MCCC1: variants seen among roughly 807,000 people sequenced by gnomAD.
The protein encoded by MCCC1 is methylcrotonyl-CoA carboxylase subunit 1, also known as methylcrotonoyl-CoA carboxylase subunit alpha, mitochondrial.
MCCC1 carries 64 observed loss-of-function variants against 83.8 expected under a neutral mutation model. That is an observed-to-expected ratio of 0.76 (90% CI 0.62 to 0.94). MCCC1 has a LOEUF of 0.94. Ranked by LOEUF, MCCC1 falls within the 40% of genes least tolerant of loss-of-function variation. The pLI is 0.00. For synonymous variants in MCCC1, 322 were observed against 315.4 expected (o/e 1.02, Z -0.22); for missense variants, 807 against 904.7 (o/e 0.89, Z 1.39).
At chr3:183,061,922 G>C (rs1450311073) in intron 7 of MCCC1, among the ~76,000 whole-genome samples, 1 of 152,288 alleles carries the variant, frequency 6.6e-6, no homozygotes, top group African/African-American at 2.4e-5. Context: ...TGTGTGGTGG[G>C]AGGGACCCGG....
At chr3:183,056,977 G>C (rs560457862) in intron 8 of MCCC1, among the ~76,000 whole-genome samples, 1 of 152,198 alleles carries the variant, frequency 6.6e-6, no homozygotes, top group Non-Finnish European at 1.5e-5. Flanking sequence ...CTACAGGCGT[G>C]AGCCACCGCG....
At chr3:183,017,567 G>A (rs1260061763) in intron 17 of MCCC1, 6 of 536,424 alleles carry the variant, frequency 1.1e-5, no homozygotes, top group Non-Finnish European at 1.7e-5. Context: ...GAGCCCATGT[G>A]GTTGTGCCAT....
intron 17 of MCCC1, 153 bp from the exon 18 acceptor site, chr3:183,017,490 A>G: frequency 1.4e-6 from 1 of 720,228 alleles, no homozygotes; most frequent in East Asian, 2.7e-5. Flanking sequence ...AAATAAAAAG[A>G]AAAAAAACAA....
Position 183,065,477 on chromosome 3 carries a change from C to T in MCCC1, c.761+5522G>A, listed in dbSNP as rs186308456. On this transcript the variant is annotated intron_variant, in intron 7 of 18. Coordinates refer to ENST00000265594, the MANE Select transcript of MCCC1 (RefSeq NM_020166.5). ...TGTCGGAAAAGTAAAAAGTATAATG[C>T]CTTTAATTTATGTGATTTAAGTAAT... Among the ~76,000 whole-genome samples the T allele has an allele frequency of 2.0e-4, 30 of 152,240 alleles. No homozygotes were observed. In the East Asian group the frequency reaches 5.8e-3, roughly 29 times the overall value.
At chr3:183,037,626 C>T (rs1713735918) in intron 12 of MCCC1, among the ~76,000 whole-genome samples, 192 bp from the exon 13 acceptor site, 2 of 152,216 alleles carry the variant, frequency 1.3e-5, no homozygotes, top group African/African-American at 2.4e-5. Context: ...CTCACTATCA[C>T]TATGTCCATC....
At chr3:183,044,327 G>A (rs554281107) in intron 10 of MCCC1, among the ~76,000 whole-genome samples, 20 of 152,244 alleles carry the variant, frequency 1.3e-4, no homozygotes, top group Non-Finnish European at 1.8e-4. Context: ...TATTTGAGAA[G>A]TATGTTTTGT....
intron 1 of MCCC1, among the ~76,000 whole-genome samples, chr3:183,106,580 C>T (rs1185678080): frequency 1.3e-5 from 2 of 151,858 alleles, no homozygotes; most frequent in African/African-American, 4.9e-5. Flanking sequence ...CTCACTGCAA[C>T]CTCAGCCTCC....
Position 183,060,578 on chromosome 3 carries a change from G to GT in MCCC1, c.762-3157dup, listed in dbSNP as rs144005483. 4.1e-3 allele frequency among the ~76,000 whole-genome samples: 621 copies of GT among 151,718 alleles called. 2 individuals are homozygous for GT. Among genetic ancestry groups the GT allele is most frequent in the Admixed American group, 5.8e-3 (88 of 15,226 alleles). On this transcript the variant is annotated intron_variant, in intron 7 of 18. Transcript: ENST00000265594. ...CAATATGTTTGCAAATACACTTATA[G>GT]TTTTTTTTTATTATACTTTAATTTC... is the stretch of plus-strand genomic sequence containing the variant.
intron 14 of MCCC1, among the ~76,000 whole-genome samples, chr3:183,033,673 G>A (rs1265045013): frequency 1.3e-5 from 2 of 152,022 alleles, no homozygotes; most frequent in Admixed American, 1.3e-4. Flanking sequence ...AAAGAATTGG[G>A]GAAAAAGAGG....
chr3:183,095,780 G>A (rs183186714), intron 1 of MCCC1, among the ~76,000 whole-genome samples: 37 of 152,190 alleles, frequency 2.4e-4, no homozygotes, highest in Admixed American at 1.4e-3. Flanking sequence ...TCTCACACAC[G>A]AGATGAGACT....
Position 183,033,991 on chromosome 3 carries a change from T to G in MCCC1, c.1681A>C (p.Asn561His). The change falls in exon 14 of 19, where the codon AAT (asparagine) becomes CAT (histidine). Residue 561 changes from asparagine to histidine, a missense_variant and splice_region_variant. Coordinates refer to ENST00000265594, the MANE Select transcript of MCCC1 (RefSeq NM_020166.5). ...RNMTLKDGKNNVAIAVTYNHD... is the reference protein window; with the variant it reads ...RNMTLKDGKNHVAIAVTYNHD... Reference sequence around the variant, plus strand: ...TCTCTTTTAATGAAACATTACTTACTGTTTTTACCATCTTTAAGAGTCATG... The same window carrying G: ...TCTCTTTTAATGAAACATTACTTACGGTTTTTACCATCTTTAAGAGTCATG... The G allele has an allele frequency of 3.8e-6, 6 of 1,590,912 alleles. No homozygotes were observed. Among genetic ancestry groups the G allele is most frequent in the Non-Finnish European group, 5.2e-6 (6 of 1,159,914 alleles).
chr3:183,070,919 T>C (rs1716620399), intron 7 of MCCC1, 80 bp downstream of exon 7: 2 of 1,458,526 alleles, frequency 1.4e-6, no homozygotes, highest in African/African-American at 2.8e-5. Context: ...TACTACAGTT[T>C]TATATTTTAT....
intron 18 of MCCC1, chr3:183,016,958 G>C (rs554888964): frequency 8.4e-5 from 35 of 417,648 alleles, no homozygotes; most frequent in African/African-American, 6.7e-4. Flanking sequence ...AACACCAACA[G>C]TTAACATTCA....
intron 9 of MCCC1, among the ~76,000 whole-genome samples, chr3:183,048,058 T>C (rs1714683657): frequency 6.6e-6 from 1 of 152,210 alleles, no homozygotes; most frequent in African/African-American, 2.4e-5. Context: ...TGGATAGGAA[T>C]TTTTCAGCTG....
chr3:183,027,143 G>A (rs549723685), intron 14 of MCCC1, among the ~76,000 whole-genome samples: 1 of 152,228 alleles, frequency 6.6e-6, no homozygotes, highest in African/African-American at 2.4e-5. Context: ...TTGTTTTACG[G>A]TGCCTCAATC....
intron 13 of MCCC1, among the ~76,000 whole-genome samples, chr3:183,034,777 C>CTT (rs397963844): frequency 1.1e-3 from 158 of 143,820 alleles, no homozygotes; most frequent in Non-Finnish European, 1.7e-3. Context: ...CCTTATAGGC[C>CTT]TTTTTTTTTT....
intron 2 of MCCC1, among the ~76,000 whole-genome samples, chr3:183,093,326 G>C (rs1361357116): frequency 6.6e-6 from 1 of 152,178 alleles, no homozygotes; most frequent in Non-Finnish European, 1.5e-5. Flanking sequence ...TAAAGATGAA[G>C]AAACTAATGC....
intron 3 of MCCC1, among the ~76,000 whole-genome samples, chr3:183,087,350 A>C (rs539632311): frequency 1.3e-4 from 20 of 152,352 alleles, no homozygotes; most frequent in Non-Finnish European, 2.4e-4. Context: ...CTGAAGGCCT[A>C]CTACGTGCCA....
At chr3:183,101,469 C>T (rs1421894273), upstream of MCCC1, among the ~76,000 whole-genome samples, 3 of 152,182 alleles carry the variant, frequency 2.0e-5, no homozygotes, top group Non-Finnish European at 2.9e-5. Context: ...CACCAATCGA[C>T]ACTCTGTATC....
Sources: allele counts gnomAD v4.1 joint callset (sites outside exome capture counted in the v4.1 genomes callset), GRCh38; gene constraint gnomAD v4.1.1; transcripts MANE v1.5; gene names NCBI Gene and HGNC (gene_info 2026-07-23, HGNC 2026-07-21).